The following LPP variants were observed in gnomAD, a reference collection of about 807,000 sequenced individuals.
The protein encoded by LPP is lipoma-preferred partner.
Under a neutral mutation model 60.4 loss-of-function variants are expected in LPP, and 38 were observed. The observed-to-expected ratio is 0.63, with a 90% CI of 0.49 to 0.83. LPP has a LOEUF of 0.83. LPP is among the 40% of genes least tolerant of loss of function. The pLI is 0.00. For synonymous variants in LPP, 328 were observed against 290.8 expected (o/e 1.13, Z -1.30); for missense variants, 902 against 783.6 (o/e 1.15, Z -1.80).
intron 6 of LPP, among the ~76,000 whole-genome samples, chr3:188,541,133 T>C (rs1211696027): frequency 1.3e-5 from 2 of 152,228 alleles, no homozygotes; most frequent in Non-Finnish European, 2.9e-5. Context: ...CATTGGCCTA[T>C]TGATGTAAGT....
chr3:188,573,834 G>T (rs1834022251), intron 6 of LPP, among the ~76,000 whole-genome samples: 1 of 151,998 alleles, frequency 6.6e-6, no homozygotes, highest in Admixed American at 6.6e-5. Context: ...GGCTTCAACT[G>T]GAAAAGAGGG....
At chr3:188,847,357 A>G (rs996362990) in intron 9 of LPP, among the ~76,000 whole-genome samples, 2 of 152,166 alleles carry the variant, frequency 1.3e-5, no homozygotes, top group Non-Finnish European at 2.9e-5. Context: ...GGATTTGCTG[A>G]TTGTTTAGAT....
intron 2 of LPP, among the ~76,000 whole-genome samples, chr3:188,285,069 T>C (rs182156503): frequency 2.6e-5 from 4 of 152,170 alleles, no homozygotes; most frequent in Admixed American, 1.3e-4. Flanking sequence ...GGGGCCCTGG[T>C]TGTGAGTCCC....
At chr3:188,299,468 T>C (rs528508978) in intron 2 of LPP, among the ~76,000 whole-genome samples, 6 of 152,304 alleles carry the variant, frequency 3.9e-5, no homozygotes, top group Middle Eastern at 3.4e-3. Flanking sequence ...CGTCTCTGAT[T>C]CCCTTTCTAG....
At position 188,798,831 on chromosome 3, in the gene LPP, G is replaced by A. The variant is rs3899431; in HGVS notation, c.1410+38549G>A. On this transcript the variant is annotated intron_variant, in intron 9 of 11. Coordinates refer to ENST00000617246, the MANE Select transcript of LPP (RefSeq NM_001375462.1). ...TAAGAGAAGGGAAATTTCACCGTCT[G>A]TGAAGCGTCTGTTTAGATTTTATGT... Among the ~76,000 whole-genome samples the A allele has an allele frequency of 0.013, 1,993 of 152,316 alleles. 121 individuals are homozygous for A. The East Asian group carries it at 0.16, about 12-fold the overall frequency.
intron 3 of LPP, among the ~76,000 whole-genome samples, chr3:188,403,529 A>G (rs981331209): frequency 2.6e-5 from 4 of 152,196 alleles, no homozygotes; most frequent in African/African-American, 9.7e-5. Flanking sequence ...GATCCCTTTT[A>G]TTTCACACTT....
intron 2 of LPP, among the ~76,000 whole-genome samples, chr3:188,252,713 G>A (rs1240531798): frequency 1.3e-5 from 2 of 152,080 alleles, no homozygotes; most frequent in Admixed American, 1.3e-4. Context: ...ATGTCCATAT[G>A]TATTCATTTT....
intron 6 of LPP, among the ~76,000 whole-genome samples, chr3:188,579,333 G>C (rs1245275495): frequency 6.6e-6 from 1 of 152,222 alleles, no homozygotes. Flanking sequence ...AGGTCGGAAA[G>C]TGACATTCTA....
At chr3:188,564,726 T>C (rs1831690814) in intron 6 of LPP, among the ~76,000 whole-genome samples, 2 of 151,930 alleles carry the variant, frequency 1.3e-5, no homozygotes, top group African/African-American at 2.4e-5. Flanking sequence ...CCAAGCCTCA[T>C]GGAGACTTGG....
At chr3:188,721,083 A>G (rs112643361) in intron 8 of LPP, among the ~76,000 whole-genome samples, 1,840 of 152,210 alleles carry the variant, frequency 0.012, 45 homozygotes, top group African/African-American at 0.042. Context: ...TTTTTTTACC[A>G]TATATGTAAA....
rs114738338 is a variant in LPP, at chr3:188,580,582, C to G, written c.430-28579C>G. Among the ~76,000 whole-genome samples the G allele has an allele frequency of 1.7e-3, 260 of 152,232 alleles. 1 individual carries two copies. Among genetic ancestry groups the G allele is most frequent in the African/African-American group, 6.0e-3 (249 of 41,530 alleles). On this transcript the variant is annotated intron_variant, in intron 6 of 11. Transcript: ENST00000617246. ...CTAGGAAGGCATGTTTCTTCAGAAG[C>G]AGTATTTGTTGTATTTAGGGTGGGA...
intron 8 of LPP, among the ~76,000 whole-genome samples, chr3:188,726,589 G>A (rs1718485176): frequency 6.6e-6 from 1 of 152,136 alleles, no homozygotes; most frequent in Non-Finnish European, 1.5e-5. Context: ...AATTATGCAG[G>A]AGAAAGGGAT....
intron 4 of LPP, among the ~76,000 whole-genome samples, chr3:188,432,600 ATCC>A (rs1401921250): frequency 6.6e-6 from 1 of 151,648 alleles, no homozygotes; most frequent in Non-Finnish European, 1.5e-5. Context: ...CTTCCAGGTT[ATCC>A]TTGTGTTGGG....
At chr3:188,806,827 A>G (rs1169759051) in intron 9 of LPP, among the ~76,000 whole-genome samples, 2 of 151,808 alleles carry the variant, frequency 1.3e-5, no homozygotes, top group Non-Finnish European at 2.9e-5. Context: ...TTTACTTACC[A>G]TCTTTTCGTG....
intron 1 of LPP, among the ~76,000 whole-genome samples, chr3:188,220,145 G>A (rs573813836): frequency 5.9e-5 from 9 of 152,228 alleles, no homozygotes; most frequent in African/African-American, 2.2e-4. Context: ...GATACAATAG[G>A]TGCTCCCCCT....
At chr3:188,754,210 C>G (rs1356875902) in intron 8 of LPP, among the ~76,000 whole-genome samples, 3 of 152,100 alleles carry the variant, frequency 2.0e-5, no homozygotes, top group African/African-American at 7.2e-5. Context: ...CGCAGTGCTT[C>G]CAATTAATAT....
At chr3:188,654,819 C>T (rs751289095) in intron 7 of LPP, among the ~76,000 whole-genome samples, 6 of 152,154 alleles carry the variant, frequency 3.9e-5, no homozygotes, top group Non-Finnish European at 8.8e-5. Context: ...GGACTCCAAC[C>T]TGCAGTGTCT....
At chr3:188,240,427 G>C (rs2149448809) in intron 2 of LPP, among the ~76,000 whole-genome samples, 1 of 151,768 alleles carries the variant, frequency 6.6e-6, no homozygotes, top group South Asian at 2.1e-4. Flanking sequence ...TGAAGAGGGA[G>C]AGGTCAGATT....
chr3:188,247,261 G>GGAA, intron 2 of LPP: 4 of 477,758 alleles, frequency 8.4e-6, no homozygotes, highest in African/African-American at 6.8e-5. Context: ...ACTTTAGTGG[G>GGAA]AAAAAAAAAA....
Sources: allele counts gnomAD v4.1 joint callset (sites outside exome capture counted in the v4.1 genomes callset), GRCh38; gene constraint gnomAD v4.1.1; transcripts MANE v1.5; gene names NCBI Gene and HGNC (gene_info 2026-07-23, HGNC 2026-07-21).